DOCK10: variants seen among roughly 807,000 people sequenced by gnomAD.
The protein encoded by DOCK10 is dedicator of cytokinesis 10.
DOCK10 carries 145 observed loss-of-function variants against 280.1 expected under a neutral mutation model. The observed-to-expected ratio is 0.52, with a 90% CI of 0.45 to 0.59. The LOEUF (loss-of-function observed/expected upper bound fraction) is 0.59. DOCK10 is among the 20% of genes least tolerant of loss of function. The pLI is 0.00. For synonymous variants in DOCK10, 915 were observed against 942.2 expected (o/e 0.97, Z 0.53); for missense variants, 2,368 against 2,651.7 (o/e 0.89, Z 2.35).
chr2:224,896,623 A>C (rs533430554), intron 3 of DOCK10, among the ~76,000 whole-genome samples: 88 of 152,314 alleles, frequency 5.8e-4, no homozygotes, highest in African/African-American at 2.0e-3. Flanking sequence ...AGGCTGAGAC[A>C]TGAGAATAGG....
chr2:224,871,715 C>A (rs1698301389), intron 11 of DOCK10, among the ~76,000 whole-genome samples: 1 of 152,150 alleles, frequency 6.6e-6, no homozygotes, highest in East Asian at 1.9e-4. Context: ...ATGTTCTCCC[C>A]TGACCTGCCT....
intron 3 of DOCK10, among the ~76,000 whole-genome samples, chr2:224,913,901 G>T (rs1386765459): frequency 2.0e-5 from 3 of 151,142 alleles, no homozygotes; most frequent in Non-Finnish European, 4.4e-5. Flanking sequence ...CTAATTTTTT[G>T]GTTTTTTTTT....
chr2:224,962,234 C>G (rs190247837), intron 1 of DOCK10, among the ~76,000 whole-genome samples: 1 of 152,182 alleles, frequency 6.6e-6, no homozygotes, highest in Non-Finnish European at 1.5e-5. Flanking sequence ...ATAAATACTT[C>G]CAGTTATTTT....
intron 18 of DOCK10, among the ~76,000 whole-genome samples, chr2:224,849,807 T>C (rs1696609445): frequency 6.6e-6 from 1 of 152,206 alleles, no homozygotes; most frequent in Non-Finnish European, 1.5e-5. Context: ...GAAGATAATT[T>C]GATGGCTTTC....
At chr2:224,855,151 CTTTGT>C in intron 15 of DOCK10, 109 bp from the exon 16 acceptor site, 1 of 648,768 alleles carries the variant, frequency 1.5e-6, no homozygotes, top group Non-Finnish European at 2.4e-6. Context: ...TAATTCTGAG[CTTTGT>C]TAAGGGTAAA....
chr2:224,989,340 T>C (rs1706066398), intron 1 of DOCK10, among the ~76,000 whole-genome samples: 1 of 152,212 alleles, frequency 6.6e-6, no homozygotes, highest in Non-Finnish European at 1.5e-5. Context: ...CATCTGCTGA[T>C]TTAAGCTGTA....
chr2:224,898,327 A>G (rs967084681), intron 3 of DOCK10, among the ~76,000 whole-genome samples: 2 of 152,194 alleles, frequency 1.3e-5, no homozygotes, highest in African/African-American at 4.8e-5. Context: ...CTGAGGACAA[A>G]ACAAGGAGTG....
chr2:224,835,016 A>T (rs1212594784), intron 25 of DOCK10, among the ~76,000 whole-genome samples: 1 of 152,202 alleles, frequency 6.6e-6, no homozygotes, highest in Non-Finnish European at 1.5e-5. Context: ...ATTTCACCGT[A>T]ATTGAGAGTG....
chr2:224,876,536 C>T (rs1698642364), intron 7 of DOCK10, among the ~76,000 whole-genome samples: 1 of 152,166 alleles, frequency 6.6e-6, no homozygotes, highest in Non-Finnish European at 1.5e-5. Flanking sequence ...GAGTTTCTGC[C>T]TTGACTTTCT....
intron 1 of DOCK10, among the ~76,000 whole-genome samples, chr2:225,022,253 TTG>T (rs1689801878): frequency 6.6e-6 from 1 of 152,202 alleles, no homozygotes; most frequent in Non-Finnish European, 1.5e-5. Flanking sequence ...CCATTTAAAA[TTG>T]TGTAATCTTG....
intron 18 of DOCK10, among the ~76,000 whole-genome samples, chr2:224,849,988 T>A (rs922073244): frequency 6.6e-6 from 1 of 152,114 alleles, no homozygotes. Flanking sequence ...AAAAATGAGA[T>A]GCGGGCCAAG....
At chr2:224,931,303 C>T (rs974204371) in intron 2 of DOCK10, among the ~76,000 whole-genome samples, 6 of 152,202 alleles carry the variant, frequency 3.9e-5, no homozygotes, top group African/African-American at 1.4e-4. Context: ...CGAGTGCCAG[C>T]TGGAACCGGG....
chr2:224,881,258 G>GTGCATCC lies in DOCK10; in HGVS notation c.747+4412_747+4413insGGATGCA, dbSNP rs1559644147. Among the ~76,000 whole-genome samples, 36 of 150,298 alleles carry GTGCATCC rather than the reference G, an allele frequency of 2.4e-4. No individual in the cohort carries two copies. The East Asian group carries it at 4.3e-3, about 18-fold the overall frequency. ...TCTTTGCATGTACCATATTTGTTTT[G>GTGCATCC]TTTTTTTTTCTGTGCATCCTTCCCA... On this transcript the variant is annotated intron_variant, in intron 7 of 55. Transcript: ENST00000258390.
chr2:225,025,792 C>T (rs1689904286), intron 1 of DOCK10, among the ~76,000 whole-genome samples: 1 of 152,058 alleles, frequency 6.6e-6, no homozygotes, highest in Non-Finnish European at 1.5e-5. Context: ...ATGCATTACC[C>T]TTTCAAAATT....
chr2:224,855,021 C>T lies in DOCK10; in HGVS notation c.1830G>A (p.Met610Ile). 3 of 1,598,036 alleles carry T rather than the reference C, an allele frequency of 1.9e-6. No homozygotes were observed. The African/African-American group carries it at 4.1e-5, about 22-fold the overall frequency. The part of the protein sequence containing the change: ...DYRRADRISK[M>I]QTIPGSLDIA... ...TATCCAGGCTTCCAGGAATGGTCTG[C>T]ATTTTGCTTATTCTGTCGGCCCTGT... The change falls in exon 16 of 56, where the codon ATG becomes ATA. Residue 610 changes from methionine (M) to isoleucine (I), a missense_variant. Met to Ile is a conservative substitution (Grantham distance 10, BLOSUM62 1). This residue lies in a region of DOCK10 where 1,209 missense variants were observed against 1,250.9 expected (regional missense o/e 0.97). Coordinates refer to ENST00000258390, the MANE Select transcript of DOCK10 (RefSeq NM_014689.3).
At chr2:224,961,913 AT>A (rs1237239655) in intron 1 of DOCK10, among the ~76,000 whole-genome samples, 2 of 152,156 alleles carry the variant, frequency 1.3e-5, no homozygotes, top group Admixed American at 1.3e-4. Flanking sequence ...AGAATTTCAA[AT>A]TTTTTAGCAT....
chr2:224,955,758 C>T (rs867577545), intron 1 of DOCK10, among the ~76,000 whole-genome samples: 1 of 152,162 alleles, frequency 6.6e-6, no homozygotes, highest in African/African-American at 2.4e-5. Flanking sequence ...AAATTCTTGA[C>T]ATTTTGAAGT....
In DOCK10 at chr2:224,775,069, G is replaced by A; in HGVS notation, c.5849C>T (p.Thr1950Ile). 3.1e-6 allele frequency: 5 copies of A among 1,614,028 alleles called. No homozygotes were observed. In the South Asian group the frequency reaches 4.4e-5, roughly 14 times the overall value. ...TTCCTCAAAGAACGGCGTCACATAGGTCACCTGGATGTAGGCATATTTGGG... is the reference window on the plus strand; with the variant it reads ...TTCCTCAAAGAACGGCGTCACATAGATCACCTGGATGTAGGCATATTTGGG... ...LDPKYAYIQVTYVTPFFEEKE... is the reference protein window; with the variant it reads ...LDPKYAYIQVIYVTPFFEEKE... The change falls in exon 52 of 56, where the codon ACC (threonine) becomes ATC (isoleucine). Residue 1950 changes from threonine to isoleucine, a missense_variant. Thr to Ile is a moderately conservative substitution (Grantham distance 89). Around this residue, in one of 2 missense-constraint regions of DOCK10, gnomAD observed 1,159 missense variants for 1,400.8 expected, o/e 0.83. Coordinates refer to ENST00000258390, the MANE Select transcript of DOCK10 (RefSeq NM_014689.3).
chr2:224,876,592 C>G (rs1027050165), intron 7 of DOCK10, among the ~76,000 whole-genome samples: 1 of 152,174 alleles, frequency 6.6e-6, no homozygotes, highest in Non-Finnish European at 1.5e-5. Context: ...CTGACCCTAT[C>G]GCATCCCAGA....
Sources: allele counts gnomAD v4.1 joint callset (sites outside exome capture counted in the v4.1 genomes callset), GRCh38; gene constraint gnomAD v4.1.1; regional missense constraint gnomAD v4.1.1; transcripts MANE v1.5; gene names NCBI Gene and HGNC (gene_info 2026-07-23, HGNC 2026-07-21).